The following CDH6 variants were observed in gnomAD, a reference collection of about 807,000 sequenced individuals.
CDH6 encodes cadherin-6.
Under a neutral mutation model 78.0 loss-of-function variants are expected in CDH6, and 31 were observed. The observed-to-expected ratio is 0.40, with a 90% CI of 0.30 to 0.54. The LOEUF (loss-of-function observed/expected upper bound fraction) is 0.54. CDH6 is among the 20% of genes least tolerant of loss of function. The pLI, the probability that CDH6 is intolerant of heterozygous loss-of-function variation, is 0.56. For synonymous variants in CDH6, 376 were observed against 368.8 expected, an observed-to-expected ratio of 1.02 and a Z score of -0.23; for missense variants, 724 against 975.9, an observed-to-expected ratio of 0.74 and a Z score of 3.44.
chr5:31,215,534 T>C (rs1740837978), intron 1 of CDH6, among the ~76,000 whole-genome samples: 1 of 152,204 alleles, frequency 6.6e-6, no homozygotes, highest in South Asian at 2.1e-4. Flanking sequence ...TGCAGCAGAC[T>C]CATTATTTAT....
At chr5:31,313,553 C>T in intron 8 of CDH6, 99 bp downstream of exon 8, 3 of 1,132,950 alleles carry the variant, frequency 2.6e-6, no homozygotes, top group South Asian at 1.6e-5. Context: ...TTGACAATCC[C>T]ACTTGATATA....
chr5:31,231,434 T>C (rs1407069661), intron 1 of CDH6, among the ~76,000 whole-genome samples: 1 of 152,238 alleles, frequency 6.6e-6, no homozygotes, highest in Non-Finnish European at 1.5e-5. Context: ...ACGCTTCCTG[T>C]CTCAGTCCAT....
At chr5:31,275,992 T>G (rs1354459835) in intron 2 of CDH6, among the ~76,000 whole-genome samples, 2 of 152,206 alleles carry the variant, frequency 1.3e-5, no homozygotes, top group Non-Finnish European at 2.9e-5. Context: ...GAGATTATGT[T>G]TAGATGTCAA....
intron 2 of CDH6, among the ~76,000 whole-genome samples, chr5:31,273,522 C>T (rs1303951367): frequency 6.6e-6 from 1 of 152,128 alleles, no homozygotes; most frequent in Non-Finnish European, 1.5e-5. Flanking sequence ...GTATTTCAGG[C>T]CATTGTCTCA....
rs564186092 is a variant in CDH6 at position 31,308,951 on chromosome 5, T to G, written c.1253+3524T>G. On this transcript the variant is annotated intron_variant, in intron 7 of 11. Coordinates refer to ENST00000265071, the MANE Select transcript of CDH6 (RefSeq NM_004932.4). ...ATCTAGATAATTATTAAATTTCTTA[T>G]GAAGTCTATGAATATTGAGATTTCC... 3.9e-5 allele frequency among the ~76,000 whole-genome samples: 6 copies of G among 152,230 alleles called. No individual in the cohort carries two copies. The East Asian group carries it at 1.2e-3, about 29-fold the overall frequency.
At position 31,265,824 on chromosome 5, in the gene CDH6, G is replaced by GAGTGC. The variant is rs568483965; in HGVS notation, c.-128-1517_-128-1513dup. On this transcript the variant is annotated intron_variant, in intron 1 of 11. Transcript: ENST00000265071. ...GAGTCTCACTCTGTCGCCCAGGCTG[G>GAGTGC]AGTGCAGTGGTGCAATCTTGGCTCA... is the stretch of plus-strand genomic sequence containing the variant. Among the ~76,000 whole-genome samples the GAGTGC allele has an allele frequency of 4.5e-3, 631 of 138,860 alleles. 3 individuals are homozygous for GAGTGC. The highest frequency in any genetic ancestry group is 0.017 in the African/African-American group (616 of 36,102). 91.1% of individuals were successfully genotyped at this position (138,860 alleles called of 152,430 possible).
chr5:31,242,585 T>A (rs1159521154), intron 1 of CDH6, among the ~76,000 whole-genome samples: 1 of 151,978 alleles, frequency 6.6e-6, no homozygotes, highest in African/African-American at 2.4e-5. Flanking sequence ...GGCAGGATCG[T>A]AGCATGCAGG....
chr5:31,278,246 G>T (rs1231281741), intron 2 of CDH6, among the ~76,000 whole-genome samples: 1 of 152,118 alleles, frequency 6.6e-6, no homozygotes, highest in Non-Finnish European at 1.5e-5. Flanking sequence ...TAAACCAAGT[G>T]TGTTATGAAA....
At chr5:31,232,965 T>G (rs370055249) in intron 1 of CDH6, among the ~76,000 whole-genome samples, 1 of 152,174 alleles carries the variant, frequency 6.6e-6, no homozygotes, top group East Asian at 1.9e-4. Context: ...TTAAATAACC[T>G]TTCAAAGGTT....
At chr5:31,204,713 A>C (rs1740466261) in intron 1 of CDH6, among the ~76,000 whole-genome samples, 1 of 152,184 alleles carries the variant, frequency 6.6e-6, no homozygotes, top group East Asian at 1.9e-4. Context: ...TAGAGAAACC[A>C]ATCACAGAAG....
At chr5:31,310,404 G>A (rs1738114724) in intron 7 of CDH6, among the ~76,000 whole-genome samples, 1 of 152,176 alleles carries the variant, frequency 6.6e-6, no homozygotes. Context: ...CTGCTTTCAT[G>A]GGCTGGCATT....
chr5:31,267,280 C>A (rs1189362314), intron 1 of CDH6, 66 bp from the exon 2 acceptor site: 1 of 525,730 alleles, frequency 1.9e-6, no homozygotes. Flanking sequence ...TTTTCCCAGC[C>A]TATTTGCTCT....
At chr5:31,234,634 T>G (rs1741402312) in intron 1 of CDH6, among the ~76,000 whole-genome samples, 1 of 152,146 alleles carries the variant, frequency 6.6e-6, no homozygotes, top group Non-Finnish European at 1.5e-5. Context: ...CTTCTTTGCT[T>G]CTCTTCTGTG....
intron 1 of CDH6, among the ~76,000 whole-genome samples, chr5:31,236,680 GC>G (rs1020316961): frequency 6.6e-6 from 1 of 152,024 alleles, no homozygotes; most frequent in African/African-American, 2.4e-5. Flanking sequence ...GGGATTCCCC[GC>G]CCCCCATCTC....
At chr5:31,263,866 C>A (rs1742275429) in intron 1 of CDH6, among the ~76,000 whole-genome samples, 1 of 152,130 alleles carries the variant, frequency 6.6e-6, no homozygotes, top group Non-Finnish European at 1.5e-5. Context: ...ATTACCTGTA[C>A]CATTTTTACA....
chr5:31,299,980 T>C (rs1325835660), intron 5 of CDH6, among the ~76,000 whole-genome samples: 1 of 152,266 alleles, frequency 6.6e-6, no homozygotes, highest in Non-Finnish European at 1.5e-5. Flanking sequence ...TTATGTTTTG[T>C]GAATTTAATC....
At chr5:31,240,356 C>A (rs767880155) in intron 1 of CDH6, among the ~76,000 whole-genome samples, 2 of 152,222 alleles carry the variant, frequency 1.3e-5, no homozygotes, top group African/African-American at 4.8e-5. Context: ...CTTCAATTTG[C>A]GGGATTAAGA....
intron 1 of CDH6, among the ~76,000 whole-genome samples, chr5:31,227,361 C>T (rs1324100204): frequency 6.6e-6 from 1 of 152,170 alleles, no homozygotes; most frequent in Non-Finnish European, 1.5e-5. Flanking sequence ...ACCCTTTCAA[C>T]TGATATTTTT....
chr5:31,321,982 G>A (rs1448145259), intron 11 of CDH6, among the ~76,000 whole-genome samples: 1 of 152,098 alleles, frequency 6.6e-6, no homozygotes, highest in Non-Finnish European at 1.5e-5. Context: ...AGAAAGATCA[G>A]GAGCTATTTA....
Sources: gnomAD v4.1 joint callset for allele counts (sites outside exome capture counted in the v4.1 genomes callset) on GRCh38, gnomAD v4.1.1 for gene constraint, MANE v1.5 for transcripts, NCBI Gene and HGNC (gene_info 2026-07-23, HGNC 2026-07-21) for gene names.